Variants in DDAH1 observed in about 807,000 individuals in gnomAD.
The protein encoded by DDAH1 is dimethylarginine dimethylaminohydrolase 1, also known as N(G),N(G)-dimethylarginine dimethylaminohydrolase 1.
A neutral mutation model predicts 28.8 loss-of-function variants in DDAH1; 19 were observed. That is an observed-to-expected ratio of 0.66 (90% CI 0.46 to 0.97). DDAH1 has a LOEUF of 0.97. DDAH1 is among the 50% of genes least tolerant of loss of function. The pLI, the probability that DDAH1 is intolerant of heterozygous loss-of-function variation, is 0.00. For missense variants in DDAH1, 326 were observed against 375.9 expected, an observed-to-expected ratio of 0.87 and a Z score of 1.10; for synonymous variants, 153 against 154.4, an observed-to-expected ratio of 0.99 and a Z score of 0.07.
At chr1:85,409,957 CTCCTTATGT>C (rs1652570680) in intron 1 of DDAH1, among the ~76,000 whole-genome samples, 2 of 152,154 alleles carry the variant, frequency 1.3e-5, no homozygotes, top group African/African-American at 4.8e-5. Context: ...CATAACAATT[CTCCTTATGT>C]ATATATCAAC....
chr1:85,508,902 C>A (rs1657125223), intron 1 of DDAH1, among the ~76,000 whole-genome samples: 1 of 152,230 alleles, frequency 6.6e-6, no homozygotes, highest in East Asian at 1.9e-4. Context: ...CATAGCTGAA[C>A]AAAAGGCAGC....
intron 1 of DDAH1, among the ~76,000 whole-genome samples, chr1:85,541,505 A>G (rs1349259378): frequency 6.6e-6 from 1 of 152,206 alleles, no homozygotes; most frequent in Non-Finnish European, 1.5e-5. Flanking sequence ...AACTTCAGAC[A>G]TTAGTAAATG....
At position 85,355,774 on chromosome 1, in the gene DDAH1, CA is replaced by C. The variant is rs1349177546; in HGVS notation, c.403+2973del. 1.2e-4 allele frequency among the ~76,000 whole-genome samples: 18 copies of C among 152,146 alleles called. No individual in the cohort carries two copies. The East Asian group carries it at 1.7e-3, about 15-fold the overall frequency. On this transcript the variant is annotated intron_variant, in intron 2 of 5. Transcript: ENST00000284031. ...AAACACATCAGTAGTAAAATTAATA[CA>C]TACATTATGGTGTATTCTTATCACA...
At chr1:85,505,824 G>A (rs900610179) in intron 1 of DDAH1, among the ~76,000 whole-genome samples, 2 of 152,066 alleles carry the variant, frequency 1.3e-5, no homozygotes, top group African/African-American at 2.4e-5. Context: ...AAACTTACTT[G>A]GAATATTATA....
intron 1 of DDAH1, among the ~76,000 whole-genome samples, chr1:85,548,151 C>A (rs1014487693): frequency 1.3e-5 from 2 of 152,134 alleles, no homozygotes; most frequent in African/African-American, 4.8e-5. Context: ...AATACAAATT[C>A]TTTAAAAGCA....
intron 1 of DDAH1, among the ~76,000 whole-genome samples, chr1:85,452,232 A>G (rs1487774197): frequency 6.6e-6 from 1 of 152,194 alleles, no homozygotes; most frequent in Non-Finnish European, 1.5e-5. Flanking sequence ...TGCAAACAAC[A>G]AAGAATGGCA....
At chr1:85,370,487 G>T (rs1257135226) in intron 1 of DDAH1, among the ~76,000 whole-genome samples, 2 of 152,214 alleles carry the variant, frequency 1.3e-5, no homozygotes, top group African/African-American at 4.8e-5. Flanking sequence ...AGAGTCTGCA[G>T]GAAGGGAGTG....
intron 1 of DDAH1, among the ~76,000 whole-genome samples, chr1:85,509,441 C>A (rs1278530505): frequency 6.6e-6 from 1 of 152,186 alleles, no homozygotes; most frequent in East Asian, 1.9e-4. Context: ...CTCCAAAGGA[C>A]TGCAGCTCCT....
chr1:85,489,427 G>A (rs1474870634), intron 2 of DDAH1, among the ~76,000 whole-genome samples: 4 of 152,186 alleles, frequency 2.6e-5, no homozygotes, highest in South Asian at 4.1e-4. Flanking sequence ...CTCAGTAAAA[G>A]AGTAACACTG....
intron 1 of DDAH1, among the ~76,000 whole-genome samples, chr1:85,457,913 A>T (rs972764284): frequency 1.3e-5 from 2 of 151,664 alleles, no homozygotes; most frequent in Admixed American, 6.6e-5. Context: ...CTGGTTTTGA[A>T]CTCCTGACCT....
At chr1:85,496,519 C>T (rs1656600967) in intron 1 of DDAH1, among the ~76,000 whole-genome samples, 1 of 152,164 alleles carries the variant, frequency 6.6e-6, no homozygotes, top group African/African-American at 2.4e-5. Context: ...TGGCAAATGT[C>T]AGGAGATGTT....
chr1:85,368,519 G>C (rs75481609), intron 1 of DDAH1, among the ~76,000 whole-genome samples: 2,368 of 152,284 alleles, frequency 0.016, 24 homozygotes, highest in Non-Finnish European at 0.024. Flanking sequence ...AGCTCTGCTG[G>C]TCTTGTCAGC....
intron 1 of DDAH1, among the ~76,000 whole-genome samples, chr1:85,563,657 C>G (rs1659202715): frequency 6.6e-6 from 1 of 151,980 alleles, no homozygotes; most frequent in African/African-American, 2.4e-5. Context: ...TACTAGCATG[C>G]AAATAAGCAG....
intron 1 of DDAH1, among the ~76,000 whole-genome samples, chr1:85,529,783 C>A (rs1226956342): frequency 6.7e-6 from 1 of 148,532 alleles, no homozygotes; most frequent in African/African-American, 2.5e-5. Context: ...ATTTTCTGGT[C>A]ACTCCATAAC....
At chr1:85,554,156 T>C (rs1040151156) in intron 1 of DDAH1, among the ~76,000 whole-genome samples, 7 of 152,142 alleles carry the variant, frequency 4.6e-5, no homozygotes, top group Admixed American at 3.3e-4. Context: ...AGCTTCTTTT[T>C]CCTAAGGACC....
chr1:85,464,732 T>G lies in DDAH1; in HGVS notation c.303+11A>C. On this transcript the variant is annotated intron_variant, in intron 1 of 5. Coordinates refer to ENST00000284031, the MANE Select transcript of DDAH1 (RefSeq NM_012137.4). This position sits in a 1 kb window ranked among gnomAD's most constrained non-coding sequence, Gnocchi z 4.4. ...GCGCGCCCCGGCCGCGCCCCTCGAG[T>G]CGGCAGTTACCTCCTTCCTCCGGCT... The G allele has an allele frequency of 1.3e-6, 2 of 1,500,902 alleles. No individual in the cohort carries two copies. Among genetic ancestry groups the G allele is most frequent in the Non-Finnish European group, 1.8e-6 (2 of 1,133,106 alleles). 93.0% of individuals were successfully genotyped at this position (1,500,902 alleles called of 1,614,324 possible).
intron 1 of DDAH1, among the ~76,000 whole-genome samples, chr1:85,360,583 C>T (rs1157366678): frequency 6.6e-6 from 1 of 152,116 alleles, no homozygotes; most frequent in Non-Finnish European, 1.5e-5. Context: ...CTTTTTGTTT[C>T]TATTACTAAT....
chr1:85,404,449 A>G (rs907370239), intron 1 of DDAH1: 92 of 1,531,500 alleles, frequency 6.0e-5, no homozygotes, highest in Non-Finnish European at 5.2e-6. Flanking sequence ...CAATCTTTTC[A>G]ACAGATTCCC....
intron 1 of DDAH1, among the ~76,000 whole-genome samples, chr1:85,393,666 G>C (rs915070173): frequency 6.6e-6 from 1 of 152,162 alleles, no homozygotes; most frequent in Non-Finnish European, 1.5e-5. Flanking sequence ...AACCTTAACT[G>C]TGTTTATAGT....
Sources: allele counts gnomAD v4.1 joint callset (sites outside exome capture counted in the v4.1 genomes callset), GRCh38; gene constraint gnomAD v4.1.1; non-coding constraint Gnocchi (gnomAD v3.1); transcripts MANE v1.5; gene names NCBI Gene and HGNC (gene_info 2026-07-23, HGNC 2026-07-21).